CDH10: variants seen among roughly 807,000 people sequenced by gnomAD.
CDH10 encodes the protein cadherin 10, also known as cadherin-10.
A neutral mutation model predicts 73.1 loss-of-function variants in CDH10; 30 were observed. The observed-to-expected ratio is 0.41, with a 90% CI of 0.31 to 0.56. The LOEUF is 0.56. CDH10 is among the 20% of genes least tolerant of loss of function. The pLI is 0.27. For synonymous variants in CDH10, 345 were observed against 348.2 expected (o/e 0.99, Z 0.10); for missense variants, 815 against 973.7 (o/e 0.84, Z 2.17).
chr5:24,638,096 GA>G (rs553542422), intron 1 of CDH10, among the ~76,000 whole-genome samples: 2 of 151,216 alleles, frequency 1.3e-5, no homozygotes, highest in Admixed American at 6.6e-5. Context: ...TCCAAGGGGA[GA>G]AAAAAAATTA....
intron 2 of CDH10, among the ~76,000 whole-genome samples, chr5:24,583,787 G>C (rs1745882881): frequency 6.6e-6 from 1 of 152,136 alleles, no homozygotes; most frequent in Non-Finnish European, 1.5e-5. Flanking sequence ...TGGGATTACA[G>C]GCATGTGCCA....
At chr5:24,632,658 G>A (rs763434369) in intron 1 of CDH10, among the ~76,000 whole-genome samples, 1 of 151,940 alleles carries the variant, frequency 6.6e-6, no homozygotes, top group Non-Finnish European at 1.5e-5. Flanking sequence ...TTGCCTAATA[G>A]CAATGGACAA....
chr5:24,488,937 C>G (rs778013555), intron 11 of CDH10, among the ~76,000 whole-genome samples: 2 of 151,904 alleles, frequency 1.3e-5, no homozygotes, highest in Non-Finnish European at 2.9e-5. Context: ...AGAACATTTT[C>G]CCACTTCAAT....
chr5:24,590,934 C>T (rs900742326), intron 2 of CDH10, among the ~76,000 whole-genome samples: 1 of 151,916 alleles, frequency 6.6e-6, no homozygotes, highest in East Asian at 1.9e-4. Context: ...TATCACATGT[C>T]TACTTTAAAG....
At chr5:24,635,202 T>C (rs901705252) in intron 1 of CDH10, among the ~76,000 whole-genome samples, 1 of 151,950 alleles carries the variant, frequency 6.6e-6, no homozygotes, top group African/African-American at 2.4e-5. Flanking sequence ...TAATATAGAC[T>C]GCAGAATTAT....
intron 2 of CDH10, among the ~76,000 whole-genome samples, chr5:24,571,276 CA>C (rs1434990431): frequency 1.3e-5 from 2 of 151,712 alleles, no homozygotes; most frequent in Non-Finnish European, 2.9e-5. Flanking sequence ...AGATAAAGGG[CA>C]AAACATTTTT....
rs1324394115 is a variant in CDH10, at chr5:24,535,285, G to A, written c.647-6C>T. ...TAAAGCAGTCCTGATGATACCTTGA[G>A]AAAATATAAAAAAACTTCCATTATC... is the stretch of plus-strand genomic sequence containing the variant. On this transcript the variant is annotated splice_region_variant and splice_polypyrimidine_tract_variant and intron_variant, in intron 4 of 11. Coordinates refer to ENST00000264463, the MANE Select transcript of CDH10 (RefSeq NM_006727.5). 1.3e-6 allele frequency: 2 copies of A among 1,597,506 alleles called. No individual in the cohort carries two copies. The highest frequency in any genetic ancestry group is 1.8e-5 in the Admixed American group (1 of 54,846).
intron 11 of CDH10, among the ~76,000 whole-genome samples, chr5:24,488,699 T>G (rs1270272951): frequency 6.6e-6 from 1 of 152,046 alleles, no homozygotes; most frequent in Non-Finnish European, 1.5e-5. Flanking sequence ...ACTAAAAGAA[T>G]GCTGTAATTA....
Position 24,498,540 on chromosome 5 carries a change from T to C in CDH10, c.1394-21A>G, listed in dbSNP as rs920803400. 10 of 1,575,718 alleles carry C rather than the reference T, an allele frequency of 6.3e-6. No homozygotes were observed. The African/African-American group carries it at 6.8e-5, about 11-fold the overall frequency. On this transcript the variant is annotated intron_variant, in intron 8 of 11. Transcript: ENST00000264463. ...ATTGTCTGGAAAAGGGGAAGAAAAA[T>C]ATTGTTTAGGAAGATAAATTGGTGC...
chr5:24,523,881 A>T (rs1376875196), intron 5 of CDH10, among the ~76,000 whole-genome samples: 3 of 152,118 alleles, frequency 2.0e-5, no homozygotes, highest in East Asian at 3.9e-4. Context: ...TAAATTTTTT[A>T]AAATTTTACT....
At chr5:24,635,220 A>G (rs1378891949) in intron 1 of CDH10, among the ~76,000 whole-genome samples, 1 of 151,898 alleles carries the variant, frequency 6.6e-6, no homozygotes. Flanking sequence ...TATTCTTGAG[A>G]TTTATAGGTA....
Position 24,536,656 on chromosome 5 carries a change from G to T in CDH10, c.526+724C>A, listed in dbSNP as rs532670768. 1.3e-4 allele frequency among the ~76,000 whole-genome samples: 19 copies of T among 151,804 alleles called. No homozygotes were observed. The South Asian group carries it at 3.8e-3, about 30-fold the overall frequency. ...AATTAATGCAGTTTTAATTTTCTTGGCCTACAGATACATCTCCCATTTATG... is the reference window on the plus strand; with the variant it reads ...AATTAATGCAGTTTTAATTTTCTTGTCCTACAGATACATCTCCCATTTATG... On this transcript the variant is annotated intron_variant, in intron 3 of 11. Coordinates refer to ENST00000264463, the MANE Select transcript of CDH10 (RefSeq NM_006727.5).
chr5:24,535,930 TAAAG>T (rs1199082361), intron 3 of CDH10, 108 bp from the exon 4 acceptor site: 1 of 657,190 alleles, frequency 1.5e-6, no homozygotes, highest in South Asian at 3.4e-5. Flanking sequence ...CATGACCTCT[TAAAG>T]AAACTTTCAT....
chr5:24,613,759 A>T (rs1422853982), intron 1 of CDH10, among the ~76,000 whole-genome samples: 1 of 152,082 alleles, frequency 6.6e-6, no homozygotes, highest in Non-Finnish European at 1.5e-5. Context: ...TACGGATAAA[A>T]TATTTTCCCT....
intron 5 of CDH10, among the ~76,000 whole-genome samples, chr5:24,533,527 A>C (rs1022110192): frequency 2.0e-5 from 3 of 152,136 alleles, no homozygotes; most frequent in African/African-American, 7.2e-5. Context: ...GTAAAATATA[A>C]TACTACTCCC....
At chr5:24,608,908 C>T (rs1746853253) in intron 1 of CDH10, among the ~76,000 whole-genome samples, 1 of 152,190 alleles carries the variant, frequency 6.6e-6, no homozygotes, top group Non-Finnish European at 1.5e-5. Flanking sequence ...TTTCCCATAA[C>T]ACATTATGCA....
intron 1 of CDH10, chr5:24,609,727 C>T (rs7735230): frequency 0.99 from 151,685 of 152,582 alleles, 75,400 homozygotes; most frequent in East Asian, 1. Flanking sequence ...CAAGTTTCCC[C>T]ACAATGTTTT....
At chr5:24,614,777 G>T (rs1205409133) in intron 1 of CDH10, among the ~76,000 whole-genome samples, 1 of 151,950 alleles carries the variant, frequency 6.6e-6, no homozygotes, top group Middle Eastern at 3.2e-3. Context: ...ATGTAAACTG[G>T]GGCATAGTAC....
chr5:24,532,480 G>A (rs948710293), intron 5 of CDH10, among the ~76,000 whole-genome samples: 1 of 151,982 alleles, frequency 6.6e-6, no homozygotes, highest in African/African-American at 2.4e-5. Context: ...GAAAATTACT[G>A]GGACTCACAC....
Sources: gnomAD v4.1 joint callset for allele counts (sites outside exome capture counted in the v4.1 genomes callset) on GRCh38, gnomAD v4.1.1 for gene constraint, MANE v1.5 for transcripts, NCBI Gene and HGNC (gene_info 2026-07-23, HGNC 2026-07-21) for gene names.